Variants in PRKG1 observed in about 807,000 individuals in gnomAD.
The protein encoded by PRKG1 is cGMP-dependent protein kinase 1.
PRKG1 carries 35 observed loss-of-function variants against 88.1 expected under a neutral mutation model. That is an observed-to-expected ratio of 0.40 (90% confidence interval 0.30 to 0.53). The LOEUF (loss-of-function observed/expected upper bound fraction) is 0.53, where lower values mean the gene tolerates loss of function less well. PRKG1 is among the 20% of genes least tolerant of loss of function. The pLI is 0.59. For missense variants in PRKG1, 540 were observed against 839.8 expected (o/e 0.64, Z 4.41); for synonymous variants, 303 against 292.5 (o/e 1.04, Z -0.37).
At chr10:51,317,770 T>C (rs1372341430) in intron 2 of PRKG1, among the ~76,000 whole-genome samples, 1 of 152,202 alleles carries the variant, frequency 6.6e-6, no homozygotes, top group African/African-American at 2.4e-5. Context: ...TAACAATCCA[T>C]CAGTGCCTTC....
chr10:51,473,383 A>G lies in PRKG1; in HGVS notation c.592+5547A>G, dbSNP rs12267658. 4.2e-3 allele frequency among the ~76,000 whole-genome samples: 636 copies of G among 151,956 alleles called. 3 individuals carry two copies. Among genetic ancestry groups the G allele is most frequent in the African/African-American group, 0.014 (588 of 41,500 alleles). ...CTATTATTGAACTATATTTTTTTCT[A>G]CAGGTTGAGAAGATTTTTTTCCTTA... On this transcript the variant is annotated intron_variant, in intron 3 of 17. Transcript: ENST00000373980.
At chr10:51,337,369 A>C (rs1277871140) in intron 2 of PRKG1, among the ~76,000 whole-genome samples, 1 of 152,200 alleles carries the variant, frequency 6.6e-6, no homozygotes, top group Non-Finnish European at 1.5e-5. Flanking sequence ...TTCATGATGA[A>C]ATTGCCAAAA....
chr10:52,040,671 C>T (rs1845732926), intron 5 of PRKG1, among the ~76,000 whole-genome samples: 1 of 151,988 alleles, frequency 6.6e-6, no homozygotes, highest in Non-Finnish European at 1.5e-5. Flanking sequence ...ACTTTTGTTC[C>T]TTTCACTTGC....
chr10:52,111,380 A>T (rs1374764521), intron 7 of PRKG1, among the ~76,000 whole-genome samples: 7 of 152,344 alleles, frequency 4.6e-5, no homozygotes, highest in African/African-American at 1.4e-4. Context: ...TGGCAATGTA[A>T]TGACAGCCTT....
At chr10:51,841,855 G>A (rs567120999) in intron 4 of PRKG1, among the ~76,000 whole-genome samples, 1 of 152,126 alleles carries the variant, frequency 6.6e-6, no homozygotes, top group South Asian at 2.1e-4. Flanking sequence ...GCTAATTTTT[G>A]TATTTTTAGT....
At chr10:51,633,521 C>T (rs1839579555) in intron 3 of PRKG1, among the ~76,000 whole-genome samples, 1 of 151,934 alleles carries the variant, frequency 6.6e-6, no homozygotes, top group Non-Finnish European at 1.5e-5. Flanking sequence ...ACAAAATTTT[C>T]CCTGGTTACA....
At chr10:51,891,050 T>G in intron 4 of PRKG1, among the ~76,000 whole-genome samples, 1 of 152,186 alleles carries the variant, frequency 6.6e-6, no homozygotes, top group East Asian at 1.9e-4. Context: ...CCCCTTGAAC[T>G]TAGGAGTTTG....
intron 12 of PRKG1, 126 bp from the exon 13 acceptor site, chr10:52,280,663 C>G: frequency 1.0e-6 from 1 of 977,028 alleles, no homozygotes; most frequent in Non-Finnish European, 1.5e-6. Flanking sequence ...TAACATTTAG[C>G]TAGCAGGACA....
At chr10:51,493,066 AC>A (rs1840749884) in intron 3 of PRKG1, among the ~76,000 whole-genome samples, 1 of 152,120 alleles carries the variant, frequency 6.6e-6, no homozygotes. Context: ...GTAGTAGAAG[AC>A]TTTAACAAGG....
At chr10:51,249,519 A>G (rs1238110540) in intron 2 of PRKG1, among the ~76,000 whole-genome samples, 1 of 151,890 alleles carries the variant, frequency 6.6e-6, no homozygotes, top group East Asian at 1.9e-4. Flanking sequence ...TTTAATTGAT[A>G]TATTCTAATC....
chr10:51,127,070 A>C (rs1280472623), intron 1 of PRKG1, among the ~76,000 whole-genome samples: 1 of 152,208 alleles, frequency 6.6e-6, no homozygotes. Context: ...TTCATGATGA[A>C]AACGCCAAAA....
intron 3 of PRKG1, among the ~76,000 whole-genome samples, chr10:51,690,926 C>CAAAAAAA (rs942329676): frequency 8.0e-5 from 3 of 37,732 alleles, no homozygotes; most frequent in Non-Finnish European, 1.1e-4. Context: ...GACTCTGTCT[C>CAAAAAAA]AAAAAAAAAA....
intron 3 of PRKG1, among the ~76,000 whole-genome samples, chr10:51,659,523 A>AG (rs1840243076): frequency 6.6e-6 from 1 of 152,114 alleles, no homozygotes; most frequent in Admixed American, 6.6e-5. Context: ...TGTGATGACT[A>AG]AAAGGCTTGA....
Position 52,097,715 on chromosome 10 carries a change from C to T in PRKG1, c.935+35084C>T, listed in dbSNP as rs558128202. On this transcript the variant is annotated intron_variant, in intron 7 of 17. Coordinates refer to ENST00000373980, the MANE Select transcript of PRKG1 (RefSeq NM_006258.4). The stretch of plus-strand genomic sequence containing the variant: ...TTCACAAGATTAGGTATCATTACAT[C>T]CTAAAGCTAATTATTTTGCGAATGG... Among the ~76,000 whole-genome samples the T allele has an allele frequency of 2.6e-5, 4 of 151,518 alleles. No individual in the cohort carries two copies. In the East Asian group the frequency reaches 7.7e-4, roughly 29 times the overall value.
chr10:51,390,532 G>A lies in PRKG1; in HGVS notation c.479-77191G>A, dbSNP rs1276027421. On this transcript the variant is annotated intron_variant, in intron 2 of 17. Coordinates refer to ENST00000373980, the MANE Select transcript of PRKG1 (RefSeq NM_006258.4). ...CCTAGGATAGCTTTGAAGATAACACGAGTTCATGTGTACCTATAAATATCA... is the reference window on the plus strand; with the variant it reads ...CCTAGGATAGCTTTGAAGATAACACAAGTTCATGTGTACCTATAAATATCA... Among the ~76,000 whole-genome samples the A allele has an allele frequency of 2.0e-5, 3 of 152,142 alleles. No individual in the cohort carries two copies. In the East Asian group the frequency reaches 5.8e-4, roughly 29 times the overall value.
chr10:52,263,028 C>G (rs1485031096), intron 10 of PRKG1, among the ~76,000 whole-genome samples: 3 of 152,086 alleles, frequency 2.0e-5, no homozygotes, highest in Admixed American at 6.6e-5. Flanking sequence ...CTGACTGTAC[C>G]TATTATTTTG....
intron 3 of PRKG1, among the ~76,000 whole-genome samples, chr10:51,709,827 T>A (rs564333979): frequency 1.3e-5 from 2 of 152,252 alleles, no homozygotes; most frequent in African/African-American, 4.8e-5. Flanking sequence ...TGACAGCAGG[T>A]GTCTGCAAAT....
rs1840000479 is a variant in PRKG1, at chr10:51,272,286, G to A, written c.478+118956G>A. Reference sequence around the variant, plus strand: ...GGTTGTTGAAAACCAAACACCACATGTTCTCATTCATGTTGAACAATGAGA... The same window carrying A: ...GGTTGTTGAAAACCAAACACCACATATTCTCATTCATGTTGAACAATGAGA... On this transcript the variant is annotated intron_variant, in intron 2 of 17. Coordinates refer to ENST00000373980, the MANE Select transcript of PRKG1 (RefSeq NM_006258.4). 2.0e-5 allele frequency among the ~76,000 whole-genome samples: 3 copies of A among 150,578 alleles called. No individual in the cohort carries two copies. The South Asian group carries it at 6.3e-4, about 31-fold the overall frequency.
At chr10:52,206,606 C>T (rs903960474) in intron 9 of PRKG1, among the ~76,000 whole-genome samples, 7 of 152,130 alleles carry the variant, frequency 4.6e-5, no homozygotes, top group African/African-American at 1.7e-4. Flanking sequence ...TTCTTTGATG[C>T]CCTCAAACCC....
Sources: allele counts gnomAD v4.1 joint callset (sites outside exome capture counted in the v4.1 genomes callset), GRCh38; gene constraint gnomAD v4.1.1; transcripts MANE v1.5; gene names NCBI Gene and HGNC (gene_info 2026-07-23, HGNC 2026-07-21).